SGMS1: variants seen among roughly 807,000 people sequenced by gnomAD.
SGMS1 encodes phosphatidylcholine:ceramide cholinephosphotransferase 1.
SGMS1 carries 13 observed loss-of-function variants against 46.2 expected under a neutral mutation model. The observed-to-expected ratio is 0.28, with a 90% CI of 0.18 to 0.45. The LOEUF is 0.45. SGMS1 is among the 20% of genes least tolerant of loss of function. The pLI is 1.00. For missense variants in SGMS1, 324 were observed against 519.9 expected, an observed-to-expected ratio of 0.62 and a Z score of 3.66; for synonymous variants, 203 against 187.8, an observed-to-expected ratio of 1.08 and a Z score of -0.66.
intron 7 of SGMS1, among the ~76,000 whole-genome samples, chr10:50,329,722 T>G (rs111859438): frequency 7.9e-5 from 12 of 152,342 alleles, no homozygotes; most frequent in African/African-American, 2.9e-4. Flanking sequence ...ATTAAGCAGA[T>G]GCCAACAAGA....
intron 2 of SGMS1, among the ~76,000 whole-genome samples, chr10:50,571,260 T>C (rs1295752049): frequency 6.6e-6 from 1 of 152,270 alleles, no homozygotes; most frequent in Admixed American, 6.5e-5. Flanking sequence ...TATATCTACA[T>C]GAGGCTACTT....
chr10:50,371,941 A>C (rs1339606766), intron 6 of SGMS1, among the ~76,000 whole-genome samples: 1 of 152,178 alleles, frequency 6.6e-6, no homozygotes, highest in African/African-American at 2.4e-5. Flanking sequence ...TGTTTGAACC[A>C]CTTCTTAAAG....
At chr10:50,480,874 C>T (rs959617406) in intron 3 of SGMS1, among the ~76,000 whole-genome samples, 3 of 152,168 alleles carry the variant, frequency 2.0e-5, no homozygotes, top group Non-Finnish European at 4.4e-5. Context: ...TTCCCCACAG[C>T]ACCGCACAGT....
chr10:50,442,603 G>A (rs1204381021), intron 5 of SGMS1, among the ~76,000 whole-genome samples: 2 of 152,156 alleles, frequency 1.3e-5, no homozygotes, highest in East Asian at 3.8e-4. Context: ...GGGCATTTAG[G>A]TGGATTCCAT....
intron 6 of SGMS1, among the ~76,000 whole-genome samples, chr10:50,378,551 T>A (rs1848553610): frequency 6.6e-6 from 1 of 152,340 alleles, no homozygotes; most frequent in East Asian, 1.9e-4. Flanking sequence ...TTTAAAATGT[T>A]TTCAGAACCA....
At chr10:50,515,249 C>A (rs1470682800) in intron 3 of SGMS1, among the ~76,000 whole-genome samples, 1 of 152,156 alleles carries the variant, frequency 6.6e-6, no homozygotes. Flanking sequence ...TACATCAGAG[C>A]CTGGTCACTT....
chr10:50,426,561 C>A (rs1437699608), intron 6 of SGMS1, among the ~76,000 whole-genome samples: 1 of 152,234 alleles, frequency 6.6e-6, no homozygotes, highest in African/African-American at 2.4e-5. Context: ...ACAACCATTT[C>A]TTTCTGTACA....
Position 50,307,358 on chromosome 10 carries a change from A to G in SGMS1, c.1063-37T>C, listed in dbSNP as rs761252262. On this transcript the variant is annotated intron_variant, in intron 10 of 10. Coordinates refer to ENST00000361781, the MANE Select transcript of SGMS1 (RefSeq NM_147156.4). This position sits in a 1 kb window ranked among gnomAD's most constrained non-coding sequence, Gnocchi z 4.2. ...AAGAAACATAAACACATTTCTTACA[A>G]TCTTTCACTTTAAGTTCAAATACTT... is the stretch of plus-strand genomic sequence containing the variant. 2.0e-5 allele frequency: 32 copies of G among 1,583,188 alleles called. No individual in the cohort carries two copies. The South Asian group carries it at 2.9e-4, about 15-fold the overall frequency.
intron 5 of SGMS1, among the ~76,000 whole-genome samples, chr10:50,456,887 T>C (rs1483254014): frequency 6.6e-6 from 1 of 152,178 alleles, no homozygotes; most frequent in African/African-American, 2.4e-5. Flanking sequence ...AAAAGAGAAT[T>C]TTCCCATGCT....
intron 3 of SGMS1, among the ~76,000 whole-genome samples, chr10:50,511,404 G>A (rs1386117901): frequency 6.6e-6 from 1 of 152,128 alleles, no homozygotes; most frequent in Non-Finnish European, 1.5e-5. Flanking sequence ...CAGTATTCAA[G>A]GCCTTCTGTG....
At chr10:50,426,372 A>G (rs1166056776) in intron 6 of SGMS1, among the ~76,000 whole-genome samples, 2 of 152,364 alleles carry the variant, frequency 1.3e-5, no homozygotes, top group Admixed American at 6.5e-5. Context: ...ATGGTATTTC[A>G]TACCTTTAAA....
chr10:50,619,911 AGAGT>A (rs1398098702), intron 1 of SGMS1, among the ~76,000 whole-genome samples: 1 of 152,130 alleles, frequency 6.6e-6, no homozygotes, highest in Non-Finnish European at 1.5e-5. Flanking sequence ...GGCTTTTGGC[AGAGT>A]GTGTGTGTCT....
At chr10:50,583,641 C>T in intron 2 of SGMS1, among the ~76,000 whole-genome samples, 1 of 152,214 alleles carries the variant, frequency 6.6e-6, no homozygotes, top group Non-Finnish European at 1.5e-5. Context: ...ATCCTCATGA[C>T]ATCATTTTGA....
chr10:50,605,369 A>T (rs61858141), intron 1 of SGMS1, among the ~76,000 whole-genome samples: 1 of 152,270 alleles, frequency 6.6e-6, no homozygotes, highest in Non-Finnish European at 1.5e-5. Flanking sequence ...GAAGCATACC[A>T]CTGAAATAAA....
chr10:50,619,439 C>A (rs1838827382), intron 1 of SGMS1, among the ~76,000 whole-genome samples: 1 of 152,160 alleles, frequency 6.6e-6, no homozygotes, highest in Admixed American at 6.5e-5. Context: ...TTATGTAAAT[C>A]AAAAACAAAC....
rs116457602 is a variant in SGMS1, at chr10:50,403,991, C to T, written c.-232+29485G>A. On this transcript the variant is annotated intron_variant, in intron 6 of 10. Coordinates refer to ENST00000361781, the MANE Select transcript of SGMS1 (RefSeq NM_147156.4). ...TTTTTAATGGAAATCAAAAGATAGA[C>T]GGTAACATGGGGGAAACAGGTATAA... 8.3e-3 allele frequency among the ~76,000 whole-genome samples: 1,252 copies of T among 151,456 alleles called. 18 individuals are homozygous for T. Among genetic ancestry groups the T allele is most frequent in the African/African-American group, 0.029 (1,181 of 41,174 alleles).
rs186133889 is a variant in SGMS1, at chr10:50,457,644, G to T, written c.-313+3029C>A. 1.6e-3 allele frequency among the ~76,000 whole-genome samples: 240 copies of T among 152,106 alleles called. 1 individual carries two copies. The highest frequency in any genetic ancestry group is 5.1e-3 in the African/African-American group (213 of 41,498). ...TATGTAGTCAATGTTTAGCTACCAC[G>T]TATAAGTGAGAACGTGTGCTTTTTG... On this transcript the variant is annotated intron_variant, in intron 5 of 10. Coordinates refer to ENST00000361781, the MANE Select transcript of SGMS1 (RefSeq NM_147156.4).
intron 8 of SGMS1, among the ~76,000 whole-genome samples, chr10:50,326,116 C>T (rs931202959): frequency 6.6e-6 from 1 of 151,548 alleles, no homozygotes; most frequent in South Asian, 2.1e-4. Context: ...TGTATGACAG[C>T]TCTTCCAGAG....
chr10:50,584,605 G>T (rs956869253), intron 2 of SGMS1, among the ~76,000 whole-genome samples: 2 of 149,006 alleles, frequency 1.3e-5, no homozygotes, highest in Non-Finnish European at 3.0e-5. Flanking sequence ...GCTATTTATT[G>T]TACCAGTTCA....
Sources: allele counts gnomAD v4.1 joint callset (sites outside exome capture counted in the v4.1 genomes callset), GRCh38; gene constraint gnomAD v4.1.1; non-coding constraint Gnocchi (gnomAD v3.1); transcripts MANE v1.5; gene names NCBI Gene and HGNC (gene_info 2026-07-23, HGNC 2026-07-21).